Variants in MPPED1 observed in about 807,000 individuals in gnomAD.
The protein encoded by MPPED1 is metallophosphoesterase domain-containing protein 1.
Under a neutral mutation model 36.2 loss-of-function variants are expected in MPPED1, and 16 were observed. The ratio of observed to expected loss-of-function variants is 0.44; its 90% CI spans 0.30 to 0.67. The LOEUF (loss-of-function observed/expected upper bound fraction) is 0.67, where lower values mean the gene tolerates loss of function less well. Among genes scored for constraint, MPPED1 ranks in the 30% least tolerant of loss-of-function variants. The pLI, the probability that MPPED1 is intolerant of heterozygous loss-of-function variation, is 0.10. For missense variants in MPPED1, 307 were observed against 453.4 expected, an observed-to-expected ratio of 0.68 and a Z score of 2.93; for synonymous variants, 199 against 191.3, an observed-to-expected ratio of 1.04 and a Z score of -0.33.
At chr22:43,444,228 A>G (rs1930249900) in intron 3 of MPPED1, among the ~76,000 whole-genome samples, 1 of 151,846 alleles carries the variant, frequency 6.6e-6, no homozygotes, top group Non-Finnish European at 1.5e-5. Flanking sequence ...CTTAAGTGAT[A>G]ATTATCTATT....
intron 4 of MPPED1, among the ~76,000 whole-genome samples, chr22:43,483,170 T>C (rs1391937946): frequency 6.6e-6 from 1 of 152,254 alleles, no homozygotes; most frequent in Non-Finnish European, 1.5e-5. Context: ...AGAATGCTTC[T>C]TTCTAACTTG....
intron 4 of MPPED1, among the ~76,000 whole-genome samples, chr22:43,495,325 G>A (rs1253386621): frequency 1.3e-5 from 2 of 148,982 alleles, no homozygotes; most frequent in Non-Finnish European, 1.5e-5. Context: ...TGGTGGTGAT[G>A]GTGGTGGTAG....
chr22:43,492,359 G>C (rs147855710), intron 4 of MPPED1, among the ~76,000 whole-genome samples: 1 of 151,922 alleles, frequency 6.6e-6, no homozygotes, highest in Non-Finnish European at 1.5e-5. Context: ...GGGGTGATAC[G>C]TATTTCTGCA....
At chr22:43,454,357 A>G (rs1289331819) in intron 3 of MPPED1, among the ~76,000 whole-genome samples, 3 of 152,078 alleles carry the variant, frequency 2.0e-5, no homozygotes, top group African/African-American at 7.2e-5. Context: ...CCAAGGCTGG[A>G]GTGCAGTGGT....
At chr22:43,500,609 C>G (rs1043957460) in intron 5 of MPPED1, among the ~76,000 whole-genome samples, 1 of 151,988 alleles carries the variant, frequency 6.6e-6, no homozygotes, top group East Asian at 1.9e-4. Context: ...AGTCTCCCAG[C>G]AGTTCGGCCC....
In MPPED1 at chr22:43,474,761, C is replaced by T. The variant is rs371602446; in HGVS notation, c.432C>T (p.Ile144=). Residue 144 remains isoleucine, a synonymous_variant, in exon 4 of 7, where the codon ATC becomes ATT. Coordinates refer to ENST00000443721, the MANE Select transcript of MPPED1 (RefSeq NM_001044370.2). The surrounding 1 kb of genome is among the most constrained non-coding windows in gnomAD (Gnocchi z 5.2). ...GCAGCCTGCCCTACGAGTACAAGAT[C>T]GTGATCGCAGGCAACCACGAGCTGA... ...WLGSLPYEYK[I]VIAGNHELTF... The T allele has an allele frequency of 4.6e-4, 744 of 1,614,042 alleles. 4 individuals are homozygous for T. The South Asian group carries it at 7.4e-3, about 16-fold the overall frequency.
intron 4 of MPPED1, among the ~76,000 whole-genome samples, chr22:43,493,987 G>C (rs973743385): frequency 6.6e-6 from 1 of 152,084 alleles, no homozygotes; most frequent in East Asian, 1.9e-4. Flanking sequence ...TGCAAGATTG[G>C]TTCCTTTTGG....
chr22:43,419,000 A>C (rs1179199904), intron 1 of MPPED1: 1 of 152,078 alleles, frequency 6.6e-6, no homozygotes, highest in African/African-American at 2.4e-5. Flanking sequence ...TTCTAACTAG[A>C]GGGGAAGAGA....
intron 3 of MPPED1, among the ~76,000 whole-genome samples, chr22:43,448,150 A>G (rs995160861): frequency 2.6e-5 from 4 of 152,060 alleles, no homozygotes; most frequent in African/African-American, 9.7e-5. Flanking sequence ...TGGCCTCCCA[A>G]AGTGCTGGGA....
intron 4 of MPPED1, among the ~76,000 whole-genome samples, chr22:43,478,019 A>T (rs1375857190): frequency 6.6e-6 from 1 of 152,168 alleles, no homozygotes; most frequent in Non-Finnish European, 1.5e-5. Context: ...GAGGATAACT[A>T]TTTAGTTTTA....
chr22:43,452,021 TC>T (rs2146855169), intron 3 of MPPED1, among the ~76,000 whole-genome samples: 1 of 147,126 alleles, frequency 6.8e-6, no homozygotes, highest in East Asian at 2.0e-4. Context: ...TTTTTTTCTT[TC>T]TTTTTTTTTT....
chr22:43,483,835 C>G (rs528738040), intron 4 of MPPED1, among the ~76,000 whole-genome samples: 1 of 152,212 alleles, frequency 6.6e-6, no homozygotes, highest in African/African-American at 2.4e-5. Context: ...GGCCACTTTA[C>G]GTGAGTTTCT....
At chr22:43,486,358 C>G (rs1038361789) in intron 4 of MPPED1, among the ~76,000 whole-genome samples, 1 of 151,760 alleles carries the variant, frequency 6.6e-6, no homozygotes, top group Non-Finnish European at 1.5e-5. Flanking sequence ...CTGGAAAGCC[C>G]GGCCTCTTTG....
chr22:43,450,358 T>G (rs2039493370), intron 3 of MPPED1, among the ~76,000 whole-genome samples: 1 of 152,188 alleles, frequency 6.6e-6, no homozygotes, highest in Non-Finnish European at 1.5e-5. Context: ...TGTCTTCACC[T>G]AAAAAATGGG....
At chr22:43,470,576 C>T (rs914564552) in intron 3 of MPPED1, among the ~76,000 whole-genome samples, 3 of 152,160 alleles carry the variant, frequency 2.0e-5, no homozygotes, top group African/African-American at 4.8e-5. Flanking sequence ...CATCTATAAA[C>T]GATTTATCCA....
At chr22:43,463,803 TTTC>T (rs1298953789) in intron 3 of MPPED1, among the ~76,000 whole-genome samples, 25 of 143,460 alleles carry the variant, frequency 1.7e-4, no homozygotes, top group African/African-American at 6.1e-4. Flanking sequence ...TTTTTCATTT[TTTC>T]TTTTCTTTCT....
intron 3 of MPPED1, among the ~76,000 whole-genome samples, chr22:43,446,880 T>G (rs185096097): frequency 6.6e-6 from 1 of 152,166 alleles, no homozygotes; most frequent in African/African-American, 2.4e-5. Context: ...GGGCAGCAAA[T>G]CAAGCAAGAC....
chr22:43,428,828 G>A (rs1444586631), intron 2 of MPPED1, among the ~76,000 whole-genome samples: 1 of 151,824 alleles, frequency 6.6e-6, no homozygotes, highest in African/African-American at 2.4e-5. Context: ...AAACCCTATG[G>A]GGGTCTCAGG....
In MPPED1 at chr22:43,475,215, C is replaced by T. The variant is rs544154851; in HGVS notation, c.632+254C>T. Among the ~76,000 whole-genome samples the T allele has an allele frequency of 2.0e-5, 3 of 152,216 alleles. No homozygotes were observed. The South Asian group carries it at 6.2e-4, about 32-fold the overall frequency. ...TATGCTGTACTAGCTCACTTACAGG[C>T]AGGTACTATTATCTCCATTTTACAG... On this transcript the variant is annotated intron_variant, in intron 4 of 6. Coordinates refer to ENST00000443721, the MANE Select transcript of MPPED1 (RefSeq NM_001044370.2).
Sources: gnomAD v4.1 joint callset for allele counts (sites outside exome capture counted in the v4.1 genomes callset) on GRCh38, gnomAD v4.1.1 for gene constraint, Gnocchi (gnomAD v3.1) non-coding constraint, MANE v1.5 for transcripts, NCBI Gene and HGNC (gene_info 2026-07-23, HGNC 2026-07-21) for gene names.